Variants in EPPK1 observed in about 807,000 individuals in gnomAD.
EPPK1 encodes epiplakin 1.
For synonymous variants in EPPK1, 1,862 were observed against 1,721.2 expected, an observed-to-expected ratio of 1.08 and a Z score of -2.03; for missense variants, 3,823 against 3,673.3, an observed-to-expected ratio of 1.04 and a Z score of -1.05.
Position 143,876,516 on chromosome 8 carries a change from C to T in EPPK1, c.-46+1922G>A, listed in dbSNP as rs139571606. Among the ~76,000 whole-genome samples the T allele has an allele frequency of 1.3e-3, 194 of 152,332 alleles. 1 individual carries two copies. The highest frequency in any genetic ancestry group is 3.9e-3 in the African/African-American group (161 of 41,574). ...CGGCAGGACAGGCCAGCTTCTCCTT[C>T]GTCCACCTGCTTCCTCCTCCCTTCC... On this transcript the variant is annotated intron_variant, in intron 1 of 1. Transcript: ENST00000615648.
chr8:143,867,602 G>A lies in EPPK1; in HGVS notation c.5652C>T (p.Ser1884=). Residue 1884 remains serine, a synonymous_variant, in exon 2 of 2, where the codon AGC becomes AGT. Transcript: ENST00000615648. ...RVGRTGGQAL[S]TLECVKPYLE... ...GATAGGGCTTCACACACTCCAGCGT[G>A]CTGAGTGCCTGTCCCCCAGTCCTCC... The A allele has an allele frequency of 6.2e-7, 1 of 1,613,192 alleles. No individual in the cohort carries two copies. Among genetic ancestry groups the A allele is most frequent in the Non-Finnish European group, 8.5e-7 (1 of 1,179,866 alleles).
chr8:143,873,332 C>A, intron 1 of EPPK1, 34 bp from the exon 2 acceptor site: 2 of 1,395,874 alleles, frequency 1.4e-6, no homozygotes, highest in South Asian at 1.6e-5. Flanking sequence ...TCAGGGACCC[C>A]GCATGGCCTG....
chr8:143,867,989 G>C lies in EPPK1; in HGVS notation c.5265C>G (p.Tyr1755Ter). The C allele has an allele frequency of 6.2e-7, 1 of 1,613,666 alleles. No homozygotes were observed. Among genetic ancestry groups the C allele is most frequent in the Non-Finnish European group, 8.5e-7 (1 of 1,179,994 alleles). ...RCVEDPETGL[Y>*]LLQIIKKGEN... The stretch of plus-strand genomic sequence containing the variant: ...CTCCTTTCTTTATGATTTGTAGCAG[G>C]TACAGGCCCGTCTCGGGGTCCTCCA... Residue 1755 changes from tyrosine (Y) to a stop codon, truncating the protein, a stop_gained, in exon 2 of 2, where the codon TAC (tyrosine) becomes TAG (stop). Transcript: ENST00000615648. LOFTEE classifies it low-confidence loss of function (END_TRUNC).
At position 143,869,119 on chromosome 8, in the gene EPPK1, CTGCCGCCTGGGGCAGG is replaced by C. The variant is rs782699411; in HGVS notation, c.4119_4134del (p.His1373GlnfsTer16). On this transcript the variant is annotated frameshift_variant, in exon 2 of 2. Coordinates refer to ENST00000615648, the MANE Select transcript of EPPK1 (RefSeq NM_031308.4). LOFTEE classifies it low-confidence loss of function (END_TRUNC). ...GTGTCCAGAAGGCCGAGTCTGCAGG[CTGCCGCCTGGGGCAGG>C]TGCACCCCGTGGACAGGGTCCACCA... The C allele has an allele frequency of 6.2e-7, 1 of 1,606,292 alleles. No homozygotes were observed. The highest frequency in any genetic ancestry group is 8.5e-7 in the Non-Finnish European group (1 of 1,179,666).
chr8:143,857,908 A>AAC lies in EPPK1; in HGVS notation c.*78_*79insGT, dbSNP rs1818927533. The AAC allele has an allele frequency of 1.0e-4, 81 of 787,378 alleles. No individual in the cohort carries two copies. The highest frequency in any genetic ancestry group is 1.3e-4 in the Non-Finnish European group (72 of 544,300). The allele number at this position is 787,378 out of a possible 1,614,324, so 48.8% of individuals were successfully genotyped here. On this transcript the variant is annotated 3_prime_UTR_variant, in exon 2 of 2. Coordinates refer to ENST00000615648, the MANE Select transcript of EPPK1 (RefSeq NM_031308.4). ...AATTAAAGAATGACAAAAAAAAAAA[A>AAC]AAAAAAAAAAACAACCCAGACACAC...
upstream of EPPK1, among the ~76,000 whole-genome samples, chr8:143,879,135 C>T (rs1819548492): frequency 6.6e-6 from 1 of 152,216 alleles, no homozygotes; most frequent in African/African-American, 2.4e-5. Context: ...AGGCTCACAG[C>T]CTCGGGGGCT....
chr8:143,871,432 C>G lies in EPPK1; in HGVS notation c.1822G>C (p.Gly608Arg). 1 of 1,604,954 alleles carries G rather than the reference C, an allele frequency of 6.2e-7. No homozygotes were observed. The highest frequency in any genetic ancestry group is 8.5e-7 in the Non-Finnish European group (1 of 1,177,056). The change falls in exon 2 of 2, where the codon GGT (glycine) becomes CGT (arginine). Residue 608 changes from glycine (G) to arginine (R), a missense_variant. Physicochemically the swap from Gly to Arg is moderately radical, Grantham distance 125. Coordinates refer to ENST00000615648, the MANE Select transcript of EPPK1 (RefSeq NM_031308.4). ...SLASVQRYLQ[G>R]TGCIAGLLLP... ...AGCAGGCCAGCAATGCAGCCCGTAC[C>G]CTGCAGGTACCTCTGCACCGAGGCC... is the stretch of plus-strand genomic sequence containing the variant.
chr8:143,870,122 C>T lies in EPPK1; in HGVS notation c.3132G>A (p.Val1044=), dbSNP rs377136814. ...EQAARLLEAQ[V]ATGGIIDPTS... ...TGGGGTCAATGATCCCTCCTGTGGC[C>T]ACTTGAGCCTCCAGGAGGCGGGCAG... Residue 1044 remains valine, a synonymous_variant, in exon 2 of 2, where the codon GTG becomes GTA. Coordinates refer to ENST00000615648, the MANE Select transcript of EPPK1 (RefSeq NM_031308.4). The surrounding 1 kb of genome is among the most constrained non-coding windows in gnomAD (Gnocchi z 5.2). 67 of 1,611,454 alleles carry T rather than the reference C, an allele frequency of 4.2e-5. 1 individual carries two copies. In the South Asian group the frequency reaches 6.8e-4, roughly 16 times the overall value.
At position 143,869,725 on chromosome 8, in the gene EPPK1, C is replaced by G; in HGVS notation, c.3529G>C (p.Ala1177Pro). 6.3e-7 allele frequency: 1 copy of G among 1,599,262 alleles called. No individual in the cohort carries two copies. The highest frequency in any genetic ancestry group is 8.5e-7 in the Non-Finnish European group (1 of 1,173,872). The part of the protein sequence containing the change: ...EGRTTVPQLL[A>P]SVQRWVQETK... ...TCCTGTACCCACCTCTGCACAGAGGCTAGCAGCTGTGGCACAGTGGTCCTC... is the reference window on the plus strand; with the variant it reads ...TCCTGTACCCACCTCTGCACAGAGGGTAGCAGCTGTGGCACAGTGGTCCTC... The change falls in exon 2 of 2, where the codon GCC (alanine) becomes CCC (proline). Residue 1177 changes from alanine to proline, a missense_variant. Ala to Pro is a conservative substitution (Grantham distance 27). Transcript: ENST00000615648.
rs781827926 is a variant in EPPK1, at chr8:143,867,891, C to T, written c.5363G>A (p.Arg1788Lys). ...QSRTAKMRVG[R>K]FADQVVSFWD... ...GAAAGAGACCACCTGGTCAGCAAAC[C>T]TCCCCACGCGCATTTTTGCAGTTCT... The change falls in exon 2 of 2, where the codon AGG becomes AAG. Residue 1788 changes from arginine (R) to lysine (K), a missense_variant. Arg to Lys is a conservative substitution (Grantham distance 26). Coordinates refer to ENST00000615648, the MANE Select transcript of EPPK1 (RefSeq NM_031308.4). 6.2e-7 allele frequency: 1 copy of T among 1,613,374 alleles called. No individual in the cohort carries two copies. Among genetic ancestry groups the T allele is most frequent in the Non-Finnish European group, 8.5e-7 (1 of 1,179,698 alleles).
chr8:143,877,230 C>T (rs1382984903), intron 1 of EPPK1, among the ~76,000 whole-genome samples: 3 of 152,216 alleles, frequency 2.0e-5, no homozygotes, highest in African/African-American at 7.2e-5. Flanking sequence ...TTCCCTGGGC[C>T]CTGCCCCTTC....
chr8:143,867,236 C>T lies in EPPK1; in HGVS notation c.6018G>A (p.Leu2006=), dbSNP rs1819157233. ...QLIEKAEALR[L]LEVQVATGGV... ...CCCCCGTGGCCACCTGCACCTCCAGCAGCCTCAGTGCCTCCGCCTTCTCGA... is the reference window on the plus strand; with the variant it reads ...CCCCCGTGGCCACCTGCACCTCCAGTAGCCTCAGTGCCTCCGCCTTCTCGA... Residue 2006 remains leucine, a synonymous_variant, in exon 2 of 2, where the codon CTG becomes CTA. Coordinates refer to ENST00000615648, the MANE Select transcript of EPPK1 (RefSeq NM_031308.4). 6.2e-7 allele frequency: 1 copy of T among 1,612,728 alleles called. No homozygotes were observed.
In EPPK1 at chr8:143,867,986, CAGGT is replaced by C; in HGVS notation, c.5264_5267del (p.Tyr1755CysfsTer5). On this transcript the variant is annotated frameshift_variant, in exon 2 of 2. Coordinates refer to ENST00000615648, the MANE Select transcript of EPPK1 (RefSeq NM_031308.4). LOFTEE classifies it low-confidence loss of function (END_TRUNC). ...TTTCTCCTTTCTTTATGATTTGTAG[CAGGT>C]ACAGGCCCGTCTCGGGGTCCTCCAC... 1 of 1,613,650 alleles carries C rather than the reference CAGGT, an allele frequency of 6.2e-7. No homozygotes were observed. The highest frequency in any genetic ancestry group is 8.5e-7 in the Non-Finnish European group (1 of 1,179,978).
intron 1 of EPPK1, among the ~76,000 whole-genome samples, chr8:143,876,859 C>T (rs782314700): frequency 1.4e-5 from 2 of 144,588 alleles, no homozygotes; most frequent in African/African-American, 2.5e-5. Flanking sequence ...AGGGGCAGTG[C>T]GGGCCAGGGT....
Position 143,867,225 on chromosome 8 carries a change from T to G in EPPK1, c.6029A>C (p.Gln2010Pro). The part of the protein sequence containing the change: ...KAEALRLLEV[Q>P]VATGGVIDPQ... ...GTCGATGACACCCCCCGTGGCCACC[T>G]GCACCTCCAGCAGCCTCAGTGCCTC... is the stretch of plus-strand genomic sequence containing the variant. The change falls in exon 2 of 2, where the codon CAG becomes CCG. Residue 2010 changes from glutamine to proline, a missense_variant. Physicochemically the swap from Gln to Pro is moderately conservative, Grantham distance 76. Coordinates refer to ENST00000615648, the MANE Select transcript of EPPK1 (RefSeq NM_031308.4). The G allele has an allele frequency of 6.2e-7, 1 of 1,612,766 alleles. No homozygotes were observed. Among genetic ancestry groups the G allele is most frequent in the Non-Finnish European group, 8.5e-7 (1 of 1,179,826 alleles).
chr8:143,870,360 TCCAGCAGGGCCAGGGCCACCCTGGGCC>T lies in EPPK1; in HGVS notation c.2867_2893del (p.Gly956_Leu964del), dbSNP rs782525557. On this transcript the variant is annotated inframe_deletion, in exon 2 of 2. Transcript: ENST00000615648. The surrounding 1 kb of genome is among the most constrained non-coding windows in gnomAD (Gnocchi z 5.2). ...GATGGTTCCGGTGGCCGCCTGGGCC[TCCAGCAGGGCCAGGGCCACCCTGGGCC>T]CCAGCAGCTTCTGCCTCATGGCCTG... 4.5e-6 allele frequency: 7 copies of T among 1,561,934 alleles called. No individual in the cohort carries two copies. The Admixed American group carries it at 7.4e-5, about 17-fold the overall frequency.
rs782763988 is a variant in EPPK1 at position 143,871,671 on chromosome 8, G to A, written c.1583C>T (p.Ala528Val). 3.1e-6 allele frequency: 5 copies of A among 1,602,238 alleles called. No individual in the cohort carries two copies. The African/African-American group carries it at 5.4e-5, about 17-fold the overall frequency. The change falls in exon 2 of 2, where the codon GCC becomes GTC. Residue 528 changes from alanine (A) to valine (V), a missense_variant. Physicochemically the swap from Ala to Val is moderately conservative, Grantham distance 64 (BLOSUM62 0). Transcript: ENST00000615648. ...GAGGGTCCCTTCCTGGTACTGCTGG[G>A]CCAGCATCGCCCTCTGCTCTGAGGA... ...AISSEQRAML[A>V]QQYQEGTLSV...
Position 143,865,918 on chromosome 8 carries a change from C to T in EPPK1, c.7336G>A (p.Ala2446Thr). 3.9e-4 allele frequency: 14 copies of T among 35,778 alleles called. No homozygotes were observed. The highest frequency in any genetic ancestry group is 1.1e-3 in the South Asian group (3 of 2,644). The allele number at this position is 35,778 out of a possible 1,614,324, so 2.2% of individuals were successfully genotyped here. A position where few individuals can be genotyped will look rare whatever the true frequency, so the allele number is the denominator to read the frequency against. ...RDARVTPGSG[A>T]LQGQSVSVWE... ...ACGGAGACGCTCTGGCCCTGGAGGG[C>T]GCCCGAGCCTGGCGTCACGCGGGCG... Residue 2446 changes from alanine (A) to threonine (T), a missense_variant, in exon 2 of 2, where the codon GCC becomes ACC. Coordinates refer to ENST00000615648, the MANE Select transcript of EPPK1 (RefSeq NM_031308.4).
chr8:143,874,688 C>A (rs1234878488), intron 1 of EPPK1, among the ~76,000 whole-genome samples: 2 of 152,174 alleles, frequency 1.3e-5, no homozygotes, highest in Non-Finnish European at 2.9e-5. Context: ...TGTTCTGCAC[C>A]CCTGTGCCCA....
Sources: gnomAD v4.1 joint callset for allele counts (sites outside exome capture counted in the v4.1 genomes callset) on GRCh38, gnomAD v4.1.1 for gene constraint, Gnocchi (gnomAD v3.1) non-coding constraint, MANE v1.5 for transcripts, NCBI Gene and HGNC (gene_info 2026-07-23, HGNC 2026-07-21) for gene names.